The following SH3RF1 variants were observed in gnomAD, a reference collection of about 807,000 sequenced individuals.
SH3RF1 encodes the protein E3 ubiquitin-protein ligase SH3RF1.
A neutral mutation model predicts 74.0 loss-of-function variants in SH3RF1; 32 were observed. The observed-to-expected ratio is 0.43, with a 90% CI of 0.33 to 0.58. SH3RF1 has a LOEUF of 0.58. Ranked by LOEUF, SH3RF1 falls within the 20% of genes least tolerant of loss-of-function variation. The probability of loss-of-function intolerance (pLI) is 0.05; values close to 1 mark genes in which losing one functional copy is unlikely to be tolerated. For synonymous variants in SH3RF1, 396 were observed against 439.6 expected (o/e 0.90, Z 1.24); for missense variants, 954 against 1,130.9 (o/e 0.84, Z 2.24).
At position 169,239,881 on chromosome 4, in the gene SH3RF1, G is replaced by A. The variant is rs181938927; in HGVS notation, c.393+28939C>T. The stretch of plus-strand genomic sequence containing the variant: ...AATGAAAAAAATACAAAAATAAGCC[G>A]GGCGTGGTGGTGTGCACTTATACTC... On this transcript the variant is annotated intron_variant, in intron 2 of 11. Coordinates refer to ENST00000284637, the MANE Select transcript of SH3RF1 (RefSeq NM_020870.4). Among the ~76,000 whole-genome samples, 50 of 152,124 alleles carry A rather than the reference G, an allele frequency of 3.3e-4. No individual in the cohort carries two copies. In the South Asian group the frequency reaches 3.9e-3, roughly 12 times the overall value.
At chr4:169,183,238 T>G (rs1409682692) in intron 2 of SH3RF1, among the ~76,000 whole-genome samples, 1 of 152,128 alleles carries the variant, frequency 6.6e-6, no homozygotes, top group Non-Finnish European at 1.5e-5. Flanking sequence ...AGGCAGAGGT[T>G]GCAAAGAGCC....
At chr4:169,109,970 C>A (rs1561025916) in intron 10 of SH3RF1, among the ~76,000 whole-genome samples, 3 of 151,050 alleles carry the variant, frequency 2.0e-5, no homozygotes, top group Admixed American at 2.0e-4. Flanking sequence ...TATGACCATG[C>A]CACTGCACTC....
chr4:169,098,955 C>T lies in SH3RF1; in HGVS notation c.2499-2268G>A, dbSNP rs113215011. On this transcript the variant is annotated intron_variant, in intron 11 of 11. Coordinates refer to ENST00000284637, the MANE Select transcript of SH3RF1 (RefSeq NM_020870.4). ...AAGAGTAGGCAGAGGCCTGGCACTT[C>T]AAGGAGGTGAAGAATGGGCCAGTCA... is the stretch of plus-strand genomic sequence containing the variant. Among the ~76,000 whole-genome samples, 148 of 152,306 alleles carry T rather than the reference C, an allele frequency of 9.7e-4. 1 individual carries two copies. Among genetic ancestry groups the T allele is most frequent in the African/African-American group, 3.1e-3 (129 of 41,558 alleles).
At chr4:169,182,926 C>T (rs1021018211) in intron 2 of SH3RF1, among the ~76,000 whole-genome samples, 1 of 151,944 alleles carries the variant, frequency 6.6e-6, no homozygotes, top group Non-Finnish European at 1.5e-5. Flanking sequence ...TGAAGACTTC[C>T]CAAAACTACT....
At chr4:169,255,783 T>C (rs1165602105) in intron 2 of SH3RF1, among the ~76,000 whole-genome samples, 1 of 152,058 alleles carries the variant, frequency 6.6e-6, no homozygotes, top group African/African-American at 2.4e-5. Flanking sequence ...TTTTTTCTTT[T>C]TGAGTCAAGA....
At chr4:169,151,528 T>A (rs1009440965) in intron 4 of SH3RF1, among the ~76,000 whole-genome samples, 1 of 152,144 alleles carries the variant, frequency 6.6e-6, no homozygotes, top group African/African-American at 2.4e-5. Context: ...CAGTATGTGT[T>A]TGGGGTACAG....
At chr4:169,142,077 C>G (rs765996551) in intron 4 of SH3RF1, among the ~76,000 whole-genome samples, 1 of 152,036 alleles carries the variant, frequency 6.6e-6, no homozygotes, top group Non-Finnish European at 1.5e-5. Context: ...CTCGGCCTCC[C>G]AAAGTGCTGG....
chr4:169,232,321 GAA>G (rs1162990247), intron 2 of SH3RF1, among the ~76,000 whole-genome samples: 1 of 152,188 alleles, frequency 6.6e-6, no homozygotes, highest in Non-Finnish European at 1.5e-5. Context: ...GCAGAAACTA[GAA>G]ACAGGTAGAC....
chr4:169,220,558 G>A (rs1730548654), intron 2 of SH3RF1, among the ~76,000 whole-genome samples: 1 of 152,204 alleles, frequency 6.6e-6, no homozygotes, highest in East Asian at 1.9e-4. Context: ...TTCCATGAGA[G>A]CAACCCCTGC....
intron 2 of SH3RF1, among the ~76,000 whole-genome samples, chr4:169,236,600 C>T (rs762432845): frequency 2.6e-5 from 4 of 152,130 alleles, no homozygotes; most frequent in Non-Finnish European, 4.4e-5. Flanking sequence ...GCAACTACTT[C>T]GTAGTGTTGC....
At chr4:169,246,396 T>C (rs1478894315) in intron 2 of SH3RF1, among the ~76,000 whole-genome samples, 2 of 152,222 alleles carry the variant, frequency 1.3e-5, no homozygotes, top group African/African-American at 2.4e-5. Flanking sequence ...CACTGAAGTA[T>C]CAAACTGAGC....
At chr4:169,111,445 G>A (rs567056026) in intron 10 of SH3RF1, among the ~76,000 whole-genome samples, 2 of 146,404 alleles carry the variant, frequency 1.4e-5, no homozygotes, top group Admixed American at 1.3e-4. Flanking sequence ...TTTTTTTTTT[G>A]GTAGAGATAG....
At chr4:169,099,370 T>C (rs1289231855) in intron 11 of SH3RF1, among the ~76,000 whole-genome samples, 1 of 152,232 alleles carries the variant, frequency 6.6e-6, no homozygotes, top group Admixed American at 6.5e-5. Context: ...ATTATAGACA[T>C]AAGCCGCTAT....
intron 4 of SH3RF1, among the ~76,000 whole-genome samples, chr4:169,147,980 C>T (rs914862199): frequency 1.3e-4 from 20 of 149,734 alleles, no homozygotes; most frequent in African/African-American, 4.9e-4. Context: ...GTTGAAAAGA[C>T]ATTAAAATAT....
intron 2 of SH3RF1, among the ~76,000 whole-genome samples, chr4:169,187,858 G>A (rs530058996): frequency 2.4e-4 from 37 of 152,258 alleles, no homozygotes; most frequent in African/African-American, 6.7e-4. Context: ...ATTAGAAATA[G>A]GGTCTAGGGT....
intron 8 of SH3RF1, among the ~76,000 whole-genome samples, chr4:169,120,147 A>G (rs1733414814): frequency 6.6e-6 from 1 of 152,214 alleles, no homozygotes; most frequent in African/African-American, 2.4e-5. Flanking sequence ...TAGTCGTGAC[A>G]ATCAAAAATA....
intron 4 of SH3RF1, among the ~76,000 whole-genome samples, chr4:169,141,432 C>A (rs1163034295): frequency 6.6e-6 from 1 of 152,132 alleles, no homozygotes; most frequent in Non-Finnish European, 1.5e-5. Flanking sequence ...ATAGGGTAAA[C>A]TCCTAAAAGT....
At chr4:169,156,780 C>T (rs1199686429) in intron 2 of SH3RF1, 101 bp from the exon 3 acceptor site, 1 of 1,062,554 alleles carries the variant, frequency 9.4e-7, no homozygotes, top group African/African-American at 1.6e-5. Context: ...AAAGTCAAAA[C>T]CACACTGTAA....
chr4:169,165,005 A>G (rs985270058), intron 2 of SH3RF1, among the ~76,000 whole-genome samples: 3 of 152,306 alleles, frequency 2.0e-5, no homozygotes, highest in African/African-American at 7.2e-5. Flanking sequence ...TGCCTTGAAT[A>G]TTAGTTTTCT....
Sources: gnomAD v4.1 joint callset for allele counts (sites outside exome capture counted in the v4.1 genomes callset) on GRCh38, gnomAD v4.1.1 for gene constraint, MANE v1.5 for transcripts, NCBI Gene and HGNC (gene_info 2026-07-23, HGNC 2026-07-21) for gene names.